CRB1: variants seen among roughly 807,000 people sequenced by gnomAD.
The protein encoded by CRB1 is protein crumbs homolog 1.
CRB1 carries 83 observed loss-of-function variants against 120.0 expected under a neutral mutation model. That is an observed-to-expected ratio of 0.69 (90% CI 0.58 to 0.83). CRB1 has a LOEUF of 0.83. Ranked by LOEUF, CRB1 falls within the 40% of genes least tolerant of loss-of-function variation. The pLI, the probability that CRB1 is intolerant of heterozygous loss-of-function variation, is 0.00. For missense variants in CRB1, 1,699 were observed against 1,687.6 expected, an observed-to-expected ratio of 1.01 and a Z score of -0.12; for synonymous variants, 625 against 612.5, an observed-to-expected ratio of 1.02 and a Z score of -0.30.
chr1:197,348,271 G>A (rs1236482804), intron 4 of CRB1, among the ~76,000 whole-genome samples: 1 of 152,150 alleles, frequency 6.6e-6, no homozygotes, highest in Non-Finnish European at 1.5e-5. Flanking sequence ...GTTGTCATAG[G>A]AGATGACAGC....
chr1:197,360,867 CA>C (rs1471071966), intron 5 of CRB1, among the ~76,000 whole-genome samples: 2 of 152,212 alleles, frequency 1.3e-5, no homozygotes, highest in African/African-American at 4.8e-5. Flanking sequence ...AGAGGGAAAG[CA>C]TTCAGTCTTT....
chr1:197,254,479 A>G, the CRB1 span, among the ~76,000 whole-genome samples: 1 of 152,226 alleles, frequency 6.6e-6, no homozygotes, highest in South Asian at 2.1e-4. Context: ...TTATGACATG[A>G]ACAGAATATG....
the CRB1 span, chr1:197,222,679 A>G: frequency 2.5e-6 from 2 of 787,402 alleles, no homozygotes; most frequent in Non-Finnish European, 4.7e-6. Context: ...CTCCATAATT[A>G]CTTGTTTCAG....
chr1:197,208,290 G>C, the CRB1 span, among the ~76,000 whole-genome samples: 1 of 152,066 alleles, frequency 6.6e-6, no homozygotes. Context: ...TGTTGTTAAA[G>C]AACCTTGTTT....
At chr1:197,377,025 A>T (rs1220496083) in intron 5 of CRB1, among the ~76,000 whole-genome samples, 2 of 152,112 alleles carry the variant, frequency 1.3e-5, no homozygotes, top group Admixed American at 6.6e-5. Flanking sequence ...AGATTTTTGC[A>T]TGGTGATTCC....
At chr1:197,349,969 G>A (rs1024640936) in intron 4 of CRB1, among the ~76,000 whole-genome samples, 180 of 151,728 alleles carry the variant, frequency 1.2e-3, no homozygotes, top group Admixed American at 2.6e-3. Flanking sequence ...GCGCGGTGGC[G>A]GGCGCCTGTA....
At chr1:197,354,122 G>C (rs1660283137) in intron 4 of CRB1, among the ~76,000 whole-genome samples, 1 of 152,046 alleles carries the variant, frequency 6.6e-6, no homozygotes. Context: ...CAACCAGCTG[G>C]TAAAATTTAT....
At chr1:197,475,462 CT>C (rs1196016960) in intron 11 of CRB1, among the ~76,000 whole-genome samples, 2 of 152,120 alleles carry the variant, frequency 1.3e-5, no homozygotes, top group Non-Finnish European at 2.9e-5. Context: ...CATTCTTTCC[CT>C]TCAATTCTCA....
chr1:197,392,587 C>A (rs1341292456), intron 5 of CRB1, among the ~76,000 whole-genome samples: 2 of 152,042 alleles, frequency 1.3e-5, no homozygotes, highest in African/African-American at 4.8e-5. Context: ...CAAGAAAAGA[C>A]CCAAGGAACT....
In CRB1 at chr1:197,421,487, G is replaced by A. The variant is rs748644955; in HGVS notation, c.1659G>A (p.Lys553=). 1 of 1,614,234 alleles carries A rather than the reference G, an allele frequency of 6.2e-7. No homozygotes were observed. The highest frequency in any genetic ancestry group is 1.1e-5 in the South Asian group (1 of 91,088). Residue 553 remains lysine, a synonymous_variant, in exon 6 of 12, where the codon AAG becomes AAA. Coordinates refer to ENST00000367400, the MANE Select transcript of CRB1 (RefSeq NM_201253.3). ...CAATTCAGGTCAATAATCAGTCAAA[G>A]GTGCTTCTGTTCATTTCCCACAACA... The part of the protein sequence containing the change: ...HLSIQVNNQS[K]VLLFISHNTS...
upstream of CRB1, chr1:197,268,180 A>C: frequency 2.0e-6 from 1 of 495,140 alleles, no homozygotes; most frequent in South Asian, 2.2e-5. Context: ...AAAAATCTGC[A>C]CCAGGTTTGA....
the CRB1 span, among the ~76,000 whole-genome samples, chr1:197,240,299 A>G: frequency 1.3e-5 from 2 of 152,068 alleles, no homozygotes; most frequent in Non-Finnish European, 2.9e-5. Context: ...TACACGTGCC[A>G]TGGTGGTTCG....
At chr1:197,203,687 A>G in the CRB1 span, among the ~76,000 whole-genome samples, 1 of 152,212 alleles carries the variant, frequency 6.6e-6, no homozygotes, top group Non-Finnish European at 1.5e-5. Context: ...AATAGAATGT[A>G]TAAGTTTTGG....
the CRB1 span, among the ~76,000 whole-genome samples, chr1:197,252,830 T>C: frequency 2.0e-5 from 3 of 151,512 alleles, no homozygotes; most frequent in Middle Eastern, 3.4e-3. Context: ...AGAATATGGA[T>C]GTCCCAGCCC....
At chr1:197,444,397 C>CAGATGATTTGTTTA (rs1665600970) in intron 11 of CRB1, 1 of 152,120 alleles carries the variant, frequency 6.6e-6, no homozygotes, top group Non-Finnish European at 1.5e-5. Context: ...ATGATTTGTT[C>CAGATGATTTGTTTA]CAAAGTTAAA....
chr1:197,214,629 TA>T, the CRB1 span, among the ~76,000 whole-genome samples: 1 of 151,932 alleles, frequency 6.6e-6, no homozygotes, highest in Non-Finnish European at 1.5e-5. Flanking sequence ...CTGAATCATG[TA>T]AAAAACAAAG....
intron 5 of CRB1, among the ~76,000 whole-genome samples, chr1:197,380,467 A>G (rs1661894148): frequency 6.6e-6 from 1 of 152,204 alleles, no homozygotes; most frequent in South Asian, 2.1e-4. Flanking sequence ...CTAGCAGCTA[A>G]GGGTATCCAG....
intron 1 of CRB1, among the ~76,000 whole-genome samples, chr1:197,310,876 C>T (rs1657476159): frequency 6.6e-6 from 1 of 152,130 alleles, no homozygotes. Flanking sequence ...CCAAAGCAGT[C>T]ATGTAGCCAA....
chr1:197,223,151 T>G, the CRB1 span: 1 of 957,696 alleles, frequency 1.0e-6, no homozygotes, highest in African/African-American at 1.7e-5. Context: ...AATGATTGCC[T>G]TGGCCCTGGC....
Sources: allele counts gnomAD v4.1 joint callset (sites outside exome capture counted in the v4.1 genomes callset), GRCh38; gene constraint gnomAD v4.1.1; transcripts MANE v1.5; gene names NCBI Gene and HGNC (gene_info 2026-07-23, HGNC 2026-07-21).